The following KCNQ5 variants were observed in gnomAD, a reference collection of about 807,000 sequenced individuals.
KCNQ5 encodes potassium voltage-gated channel subfamily Q member 5, also known as potassium voltage-gated channel subfamily KQT member 5.
Under a neutral mutation model 98.2 loss-of-function variants are expected in KCNQ5, and 30 were observed. That is an observed-to-expected ratio of 0.31 (90% confidence interval 0.23 to 0.41). The LOEUF (loss-of-function observed/expected upper bound fraction) is 0.41. KCNQ5 is among the 10% of genes least tolerant of loss of function. KCNQ5 has a pLI of 1.00. For synonymous variants in KCNQ5, 458 were observed against 449.4 expected (o/e 1.02, Z -0.24); for missense variants, 835 against 1,182.5 (o/e 0.71, Z 4.31).
chr6:72,848,939 T>C (rs1777126339), intron 1 of KCNQ5, among the ~76,000 whole-genome samples: 1 of 152,174 alleles, frequency 6.6e-6, no homozygotes, highest in African/African-American at 2.4e-5. Context: ...TAAGCCCGCT[T>C]CCTTTATAAA....
intron 1 of KCNQ5, among the ~76,000 whole-genome samples, chr6:72,768,345 G>T (rs779261661): frequency 1.3e-5 from 2 of 151,956 alleles, no homozygotes; most frequent in Non-Finnish European, 2.9e-5. Context: ...AACTGGAATG[G>T]ATGGAGGAGA....
At chr6:73,004,089 C>T (rs79881078) in intron 2 of KCNQ5, 91 bp downstream of exon 2, 2 of 718,588 alleles carry the variant, frequency 2.8e-6, no homozygotes, top group South Asian at 2.0e-5. Context: ...CAAAAAAATC[C>T]TATCTAAAAA....
At chr6:73,036,792 ACTT>A (rs2150353572) in intron 2 of KCNQ5, among the ~76,000 whole-genome samples, 1 of 152,280 alleles carries the variant, frequency 6.6e-6, no homozygotes, top group South Asian at 2.1e-4. Context: ...CATTATGAAT[ACTT>A]CTTCTGTGAA....
Position 72,859,867 on chromosome 6 carries a change from G to A in KCNQ5, c.399-144041G>A, listed in dbSNP as rs182842540. Among the ~76,000 whole-genome samples, 473 of 152,188 alleles carry A rather than the reference G, an allele frequency of 3.1e-3. 3 individuals are homozygous for A. Among genetic ancestry groups the A allele is most frequent in the African/African-American group, 0.011 (438 of 41,520 alleles). On this transcript the variant is annotated intron_variant, in intron 1 of 13. Coordinates refer to ENST00000370398, the MANE Select transcript of KCNQ5 (RefSeq NM_019842.4). ...GGCCTTCCAAAATGCTAGGATTACA[G>A]GTGTGAGCCACTGTGCCTGACCTGT...
chr6:72,930,503 G>T (rs1158401842), intron 1 of KCNQ5, among the ~76,000 whole-genome samples: 1 of 145,438 alleles, frequency 6.9e-6, no homozygotes, highest in Non-Finnish European at 1.5e-5. Context: ...AATAAACCAA[G>T]AGGATTTAGC....
At chr6:72,694,259 G>T (rs994216031) in intron 1 of KCNQ5, among the ~76,000 whole-genome samples, 1 of 152,138 alleles carries the variant, frequency 6.6e-6, no homozygotes, top group African/African-American at 2.4e-5. Context: ...ACCCTTAGAA[G>T]GGGCCCTCAG....
intron 1 of KCNQ5, among the ~76,000 whole-genome samples, chr6:72,847,308 C>T: frequency 6.6e-6 from 1 of 152,106 alleles, no homozygotes; most frequent in East Asian, 1.9e-4. Context: ...GGATTACAGG[C>T]ATGTGCCACC....
At chr6:72,830,919 A>C (rs555522376) in intron 1 of KCNQ5, among the ~76,000 whole-genome samples, 2 of 152,362 alleles carry the variant, frequency 1.3e-5, no homozygotes, top group South Asian at 4.1e-4. Context: ...AAGTGGGCAA[A>C]AGATATGAAC....
chr6:73,086,328 C>T (rs1270871022), intron 5 of KCNQ5, among the ~76,000 whole-genome samples: 1 of 152,092 alleles, frequency 6.6e-6, no homozygotes, highest in Non-Finnish European at 1.5e-5. Flanking sequence ...CTAATCCTTC[C>T]CTCCACTCAC....
chr6:73,046,562 T>C (rs1771963771), intron 3 of KCNQ5, among the ~76,000 whole-genome samples: 1 of 151,612 alleles, frequency 6.6e-6, no homozygotes, highest in Non-Finnish European at 1.5e-5. Flanking sequence ...ACATAAGTAC[T>C]ATAATGTCCT....
intron 8 of KCNQ5, among the ~76,000 whole-genome samples, chr6:73,121,636 C>A (rs567109421): frequency 6.2e-4 from 94 of 152,290 alleles, no homozygotes; most frequent in African/African-American, 2.1e-3. Flanking sequence ...GGACACCTAA[C>A]TACTGTGACT....
chr6:72,681,303 A>T (rs151025138), intron 1 of KCNQ5, among the ~76,000 whole-genome samples: 1 of 152,226 alleles, frequency 6.6e-6, no homozygotes, highest in Non-Finnish European at 1.5e-5. Context: ...ATGATAAGAG[A>T]TAATAATAGC....
At chr6:72,635,034 C>CT (rs1182687944) in intron 1 of KCNQ5, among the ~76,000 whole-genome samples, 11,206 of 142,750 alleles carry the variant, frequency 0.079, 557 homozygotes, top group Non-Finnish European at 0.12. Flanking sequence ...TCCCCTCACC[C>CT]TTTTTTTTTT....
intron 1 of KCNQ5, among the ~76,000 whole-genome samples, chr6:72,677,549 C>T (rs1025030322): frequency 3.3e-5 from 5 of 152,102 alleles, no homozygotes; most frequent in Admixed American, 2.0e-4. Flanking sequence ...GCTTGCCTTG[C>T]CTTTACTAAA....
intron 1 of KCNQ5, among the ~76,000 whole-genome samples, chr6:72,806,274 AT>A (rs999499360): frequency 2.0e-5 from 3 of 152,224 alleles, no homozygotes; most frequent in Non-Finnish European, 2.9e-5. Flanking sequence ...TCCAGACAAT[AT>A]TTTTAAAGCC....
chr6:73,188,380 A>T (rs1582509364), intron 11 of KCNQ5, among the ~76,000 whole-genome samples: 1 of 152,302 alleles, frequency 6.6e-6, no homozygotes, highest in Middle Eastern at 3.4e-3. Flanking sequence ...AACACAAACA[A>T]CCACACAACA....
intron 2 of KCNQ5, among the ~76,000 whole-genome samples, chr6:73,023,078 G>A (rs1770678792): frequency 6.6e-6 from 1 of 152,214 alleles, no homozygotes; most frequent in African/African-American, 2.4e-5. Flanking sequence ...GTGGAGGGCA[G>A]GAAGAAATGG....
At position 73,181,965 on chromosome 6, in the gene KCNQ5, ACT is replaced by A. The variant is rs561255161; in HGVS notation, c.1578-8605_1578-8604del. Among the ~76,000 whole-genome samples, 12 of 152,288 alleles carry A rather than the reference ACT, an allele frequency of 7.9e-5. No individual in the cohort carries two copies. The South Asian group carries it at 2.5e-3, about 32-fold the overall frequency. ...AATGTATCTTAAAGGTCCTAATTTAACTCTAGAATGATTTGCCCAGAAATTCC... is the reference window on the plus strand; with the variant it reads ...AATGTATCTTAAAGGTCCTAATTTAACTAGAATGATTTGCCCAGAAATTCC... On this transcript the variant is annotated intron_variant, in intron 11 of 13. Coordinates refer to ENST00000370398, the MANE Select transcript of KCNQ5 (RefSeq NM_019842.4).
At chr6:73,112,577 C>CT (rs1775295110) in intron 7 of KCNQ5, among the ~76,000 whole-genome samples, 1 of 152,176 alleles carries the variant, frequency 6.6e-6, no homozygotes, top group Admixed American at 6.5e-5. Context: ...CATCTCTCAA[C>CT]CTCGTGATCC....
Sources: allele counts gnomAD v4.1 joint callset (sites outside exome capture counted in the v4.1 genomes callset), GRCh38; gene constraint gnomAD v4.1.1; transcripts MANE v1.5; gene names NCBI Gene and HGNC (gene_info 2026-07-23, HGNC 2026-07-21).